KCNG2: variants seen among roughly 807,000 people sequenced by gnomAD.
KCNG2 encodes the protein potassium voltage-gated channel modifier subfamily G member 2.
Under a neutral mutation model 12.3 loss-of-function variants are expected in KCNG2, and 7 were observed. The observed-to-expected ratio is 0.57, with a 90% CI of 0.32 to 1.07. The LOEUF (loss-of-function observed/expected upper bound fraction) is 1.07, where lower values mean the gene tolerates loss of function less well. Ranked by LOEUF, KCNG2 falls within the 50% of genes least tolerant of loss-of-function variation. The probability of loss-of-function intolerance (pLI) is 0.04; values close to 1 mark genes in which losing one functional copy is unlikely to be tolerated. For synonymous variants in KCNG2, 414 were observed against 351.4 expected (o/e 1.18, Z -1.99); for missense variants, 703 against 726.0 (o/e 0.97, Z 0.36).
chr18:79,804,262 C>T (rs1300629982), intron 1 of KCNG2, among the ~76,000 whole-genome samples: 1 of 152,232 alleles, frequency 6.6e-6, no homozygotes, highest in Non-Finnish European at 1.5e-5. Flanking sequence ...CCGGAAGGCA[C>T]CAGCCACAGC....
chr18:79,801,285 A>G (rs1423433865), intron 1 of KCNG2, among the ~76,000 whole-genome samples: 1 of 152,284 alleles, frequency 6.6e-6, no homozygotes, highest in Non-Finnish European at 1.5e-5. Context: ...GCCTTTGTCA[A>G]TTAAGGAAGC....
At chr18:79,821,022 T>C (rs1046876510) in intron 1 of KCNG2, among the ~76,000 whole-genome samples, 3 of 152,226 alleles carry the variant, frequency 2.0e-5, no homozygotes, top group Non-Finnish European at 2.9e-5. Flanking sequence ...GTTCTTGATA[T>C]TAAGCCCTTA....
chr18:79,882,274 C>T (rs1194992591), intron 3 of KCNG2, among the ~76,000 whole-genome samples: 2 of 152,126 alleles, frequency 1.3e-5, no homozygotes, highest in Non-Finnish European at 2.9e-5. Context: ...ACTGAGAGGC[C>T]GAGGTGGGAA....
intron 3 of KCNG2, among the ~76,000 whole-genome samples, chr18:79,894,164 T>C (rs1008530884): frequency 6.6e-6 from 1 of 151,886 alleles, no homozygotes. Context: ...CATTCACATC[T>C]AATGTTATGA....
intron 1 of KCNG2, among the ~76,000 whole-genome samples, chr18:79,827,935 T>G (rs945584593): frequency 4.2e-4 from 64 of 151,498 alleles, no homozygotes; most frequent in African/African-American, 1.5e-3. Flanking sequence ...TTCTTTTTTT[T>G]TTTTTTGAGA....
rs1315189714 is a variant in KCNG2, at chr18:79,822,668, G to A, written c.-115+24654G>A. Among the ~76,000 whole-genome samples the A allele has an allele frequency of 6.6e-6, 1 of 152,074 alleles. No homozygotes were observed. Among genetic ancestry groups the A allele is most frequent in the Non-Finnish European group, 1.5e-5 (1 of 68,008 alleles). On this transcript the variant is annotated intron_variant, in intron 1 of 3. Transcript: ENST00000316249. The surrounding 1 kb of genome is among the most constrained non-coding windows in gnomAD (Gnocchi z 4.4). ...CAGGTCTTGAACTCCTGACCTCAAG[G>A]GATCCACCCACCCCGGCCTCCAAAG...
chr18:79,877,167 C>A (rs139273796), intron 3 of KCNG2, among the ~76,000 whole-genome samples: 46 of 152,278 alleles, frequency 3.0e-4, no homozygotes, highest in African/African-American at 9.6e-4. Context: ...AAAGAAAAAA[C>A]CTCAATTCAG....
At chr18:79,857,748 C>G (rs1330959530) in intron 2 of KCNG2, among the ~76,000 whole-genome samples, 1 of 152,020 alleles carries the variant, frequency 6.6e-6, no homozygotes, top group Non-Finnish European at 1.5e-5. Flanking sequence ...CCTACTCACT[C>G]AGAATGATTT....
chr18:79,823,797 C>T (rs12457322), intron 1 of KCNG2, among the ~76,000 whole-genome samples: 42,781 of 151,994 alleles, frequency 0.28, 6,591 homozygotes, highest in East Asian at 0.42. Flanking sequence ...CCCTGTTTTA[C>T]TGGGATTGAG....
In KCNG2 at chr18:79,861,276, T is replaced by C. The variant is rs952158443; in HGVS notation, c.-40-2352T>C. 9.2e-4 allele frequency among the ~76,000 whole-genome samples: 15 copies of C among 16,240 alleles called. No homozygotes were observed. The South Asian group carries it at 0.034, about 37-fold the overall frequency. The allele number at this position is 16,240 out of a possible 152,430, so 10.7% of individuals were successfully genotyped here. ...CTCTGTTTTCTTCTCTCTCTCTCTTTTTTTTTTTTTTTTTTTTTTGAGATG... is the reference window on the plus strand; with the variant it reads ...CTCTGTTTTCTTCTCTCTCTCTCTTCTTTTTTTTTTTTTTTTTTTGAGATG... On this transcript the variant is annotated intron_variant, in intron 2 of 3. Coordinates refer to ENST00000316249, the MANE Select transcript of KCNG2 (RefSeq NM_012283.2).
At chr18:79,852,724 ATGAAGTGGC>A (rs1978868621) in intron 1 of KCNG2, among the ~76,000 whole-genome samples, 2 of 152,244 alleles carry the variant, frequency 1.3e-5, no homozygotes, top group Non-Finnish European at 2.9e-5. Context: ...CCGACGGGGA[ATGAAGTGGC>A]TTCTCCAGCT....
At chr18:79,805,692 G>A (rs2087444190) in intron 1 of KCNG2, among the ~76,000 whole-genome samples, 2 of 152,126 alleles carry the variant, frequency 1.3e-5, no homozygotes, top group Admixed American at 1.3e-4. Context: ...TTCACCTGAC[G>A]GCCTCATCCA....
In KCNG2 at chr18:79,881,401, C is replaced by G. The variant is rs182569706; in HGVS notation, c.624+17110C>G. On this transcript the variant is annotated intron_variant, in intron 3 of 3. Transcript: ENST00000316249. ...TTGGAAAGCAAGAGAACAGAACTGC[C>G]TATGTAGAAATTCCCAGGAAACCCA... Among the ~76,000 whole-genome samples, 73 of 152,248 alleles carry G rather than the reference C, an allele frequency of 4.8e-4. 2 individuals carry two copies. In the East Asian group the frequency reaches 0.012, roughly 25 times the overall value.
intron 3 of KCNG2, among the ~76,000 whole-genome samples, chr18:79,895,821 A>G (rs1016661119): frequency 6.9e-6 from 1 of 144,758 alleles, no homozygotes; most frequent in African/African-American, 2.4e-5. Context: ...TTTGATTGAT[A>G]TAGTTGGGTC....
chr18:79,899,585 C>T lies in KCNG2; in HGVS notation c.1170C>T (p.Ile390=), dbSNP rs1366834065. ...GGCAGGTGGTGGCGCTCAGCAGCAT[C>T]CTCAGCGGCATCCTGCTCATGGCCT... ...LPGQVVALSS[I]LSGILLMAFP... Residue 390 remains isoleucine (I), a synonymous_variant, in exon 4 of 4, where the codon ATC becomes ATT. Coordinates refer to ENST00000316249, the MANE Select transcript of KCNG2 (RefSeq NM_012283.2). 54 of 1,599,468 alleles carry T rather than the reference C, an allele frequency of 3.4e-5. No homozygotes were observed. Among genetic ancestry groups the T allele is most frequent in the Non-Finnish European group, 4.6e-5 (54 of 1,172,872 alleles).
intron 3 of KCNG2, among the ~76,000 whole-genome samples, chr18:79,867,632 G>T (rs1001717276): frequency 6.6e-6 from 1 of 151,948 alleles, no homozygotes; most frequent in Admixed American, 6.5e-5. Context: ...TGGGCCTGGG[G>T]GTTTGTGTTG....
chr18:79,817,449 GT>G (rs1390564199), intron 1 of KCNG2, among the ~76,000 whole-genome samples: 1 of 152,178 alleles, frequency 6.6e-6, no homozygotes, highest in African/African-American at 2.4e-5. Flanking sequence ...CTGTCACATG[GT>G]TGTCACACCC....
At position 79,864,328 on chromosome 18, in the gene KCNG2, G is replaced by A. The variant is rs1354012939; in HGVS notation, c.624+37G>A. 4.9e-6 allele frequency: 7 copies of A among 1,441,160 alleles called. No individual in the cohort carries two copies. The Admixed American group carries it at 1.2e-4, about 24-fold the overall frequency. 89.3% of individuals were successfully genotyped at this position (1,441,160 alleles called of 1,614,324 possible). ...CGGGGGTGGCGGGGACCGGGCCGGA[G>A]CTGGGGCTGGGCTGGGATCTGGGCT... On this transcript the variant is annotated intron_variant, in intron 3 of 3. Transcript: ENST00000316249.
rs368420806 is a variant in KCNG2 at position 79,899,459 on chromosome 18, C to A, written c.1044C>A (p.Gly348=). ...TGCACCTGGCCGAGCGCGAGCTGGG[C>A]GCGCGCCGCGACTTCTCCAGCGTGC... ...PLVHLAEREL[G]ARRDFSSVPA... is the part of the protein sequence containing the mutation. The change falls in exon 4 of 4, where the codon GGC becomes GGA. Residue 348 remains glycine (G), a synonymous_variant. Transcript: ENST00000316249. The A allele has an allele frequency of 3.1e-6, 5 of 1,602,612 alleles. No homozygotes were observed. Among genetic ancestry groups the A allele is most frequent in the Non-Finnish European group, 4.3e-6 (5 of 1,175,904 alleles).
Sources: gnomAD v4.1 joint callset for allele counts (sites outside exome capture counted in the v4.1 genomes callset) on GRCh38, gnomAD v4.1.1 for gene constraint, Gnocchi (gnomAD v3.1) non-coding constraint, MANE v1.5 for transcripts, NCBI Gene and HGNC (gene_info 2026-07-23, HGNC 2026-07-21) for gene names.